The following FCF1 variants were observed in gnomAD, a reference collection of about 807,000 sequenced individuals.
FCF1 encodes the protein rRNA-processing protein FCF1 homolog.
FCF1 carries 17 observed loss-of-function variants against 32.5 expected under a neutral mutation model. The ratio of observed to expected loss-of-function variants is 0.52; its 90% CI spans 0.36 to 0.78. FCF1 has a LOEUF of 0.78. Among genes scored for constraint, FCF1 ranks in the 30% least tolerant of loss-of-function variants. The probability of loss-of-function intolerance (pLI) is 0.00; values close to 1 mark genes in which losing one functional copy is unlikely to be tolerated. For synonymous variants in FCF1, 84 were observed against 78.4 expected (o/e 1.07, Z -0.38); for missense variants, 201 against 241.1 (o/e 0.83, Z 1.10).
intron 5 of FCF1, among the ~76,000 whole-genome samples, chr14:74,728,757 T>C (rs2090601359): frequency 6.6e-6 from 1 of 152,198 alleles, no homozygotes; most frequent in Non-Finnish European, 1.5e-5. Context: ...ATAGCTCTTA[T>C]TATTTTGAAA....
In FCF1 at chr14:74,723,341, T is replaced by TAAGGTAGGAAGGAGGTAAACTAGATC. The variant is rs2090531433; in HGVS notation, c.363_365+23dup. 1.2e-6 allele frequency: 2 copies of TAAGGTAGGAAGGAGGTAAACTAGATC among 1,611,586 alleles called. No individual in the cohort carries two copies. The highest frequency in any genetic ancestry group is 1.1e-5 in the South Asian group (1 of 91,010). ...TTGGGGCAGAAGTATCGAGTGGCTC[T>TAAGGTAGGAAGGAGGTAAACTAGATC]AAGGTAGGAAGGAGGTAAACTAGAT... On this transcript the variant is annotated stop_gained and frameshift_variant, in exon 5 of 8. Transcript: ENST00000341162. LOFTEE classifies it high-confidence loss of function.
rs545136856 is a variant in FCF1 at position 74,713,372 on chromosome 14, A to G, written c.4-113A>G. On this transcript the variant is annotated intron_variant, in intron 1 of 7. Transcript: ENST00000341162. ...TGTTATGCTTTACAGAGTGGGGAAG[A>G]GGGTCTGGGTTATTTGAGGCAAGAA... The G allele has an allele frequency of 3.0e-5, 46 of 1,544,448 alleles. 2 individuals are homozygous for G. The South Asian group carries it at 5.2e-4, about 17-fold the overall frequency.
intron 3 of FCF1, 118 bp downstream of exon 3, chr14:74,715,061 T>A: frequency 9.7e-7 from 1 of 1,028,090 alleles, no homozygotes; most frequent in Non-Finnish European, 1.4e-6. Context: ...ACTATGTAGA[T>A]GAAAGTCATA....
intron 5 of FCF1, among the ~76,000 whole-genome samples, chr14:74,727,947 C>T (rs1036697062): frequency 3.9e-5 from 6 of 152,052 alleles, no homozygotes; most frequent in Admixed American, 6.6e-5. Flanking sequence ...GGCTCTGTTC[C>T]GTTTCATTGA....
At chr14:74,715,399 C>G (rs2090404960) in intron 3 of FCF1, among the ~76,000 whole-genome samples, 1 of 151,894 alleles carries the variant, frequency 6.6e-6, no homozygotes, top group Admixed American at 6.6e-5. Flanking sequence ...CCTTATTTTT[C>G]TAATTTTTCC....
At chr14:74,722,145 T>C (rs2090512882) in intron 4 of FCF1, among the ~76,000 whole-genome samples, 1 of 149,134 alleles carries the variant, frequency 6.7e-6, no homozygotes, top group Non-Finnish European at 1.5e-5. Context: ...ATCTGCTGGG[T>C]TGAACTGATC....
chr14:74,728,251 C>G (rs1434093869), intron 5 of FCF1, among the ~76,000 whole-genome samples: 5 of 152,140 alleles, frequency 3.3e-5, no homozygotes, highest in Non-Finnish European at 7.4e-5. Context: ...GAATGTTCTT[C>G]CATTTGTTTG....
chr14:74,717,305 G>A (rs949005064), intron 4 of FCF1, among the ~76,000 whole-genome samples: 9 of 151,738 alleles, frequency 5.9e-5, no homozygotes, highest in Non-Finnish European at 7.4e-5. Flanking sequence ...GCAGTGAGCC[G>A]AGATTGTGCC....
intron 5 of FCF1, among the ~76,000 whole-genome samples, chr14:74,723,569 C>A (rs757321574): frequency 7.2e-5 from 11 of 151,988 alleles, no homozygotes. Flanking sequence ...GCTCGGTGGC[C>A]TGTAATCCCA....
intron 5 of FCF1, among the ~76,000 whole-genome samples, chr14:74,727,142 A>C (rs894239903): frequency 1.3e-5 from 2 of 152,196 alleles, no homozygotes; most frequent in Non-Finnish European, 2.9e-5. Context: ...TGGCTGGGTC[A>C]AATGGTATTT....
At position 74,735,077 on chromosome 14, in the gene FCF1, G is replaced by T; in HGVS notation, c.*147G>T. ...TTTATTATTTAGGTGCACCAGCCCA[G>T]TCAGATTAACATCCAAAGGACTGAA... On this transcript the variant is annotated 3_prime_UTR_variant, in exon 8 of 8. Transcript: ENST00000341162. 1.6e-6 allele frequency: 1 copy of T among 630,324 alleles called. No individual in the cohort carries two copies. Among genetic ancestry groups the T allele is most frequent in the Non-Finnish European group, 2.8e-6 (1 of 356,392 alleles). The allele number at this position is 630,324 out of a possible 1,614,324, so 39.0% of individuals were successfully genotyped here.
chr14:74,719,785 GT>G (rs1349324430), intron 4 of FCF1, among the ~76,000 whole-genome samples: 2 of 152,036 alleles, frequency 1.3e-5, no homozygotes, highest in Admixed American at 1.3e-4. Flanking sequence ...AAAAAAGGAA[GT>G]TGCTTATAAT....
rs555797859 is a variant in FCF1, at chr14:74,734,106, C to A, written c.484C>A (p.Arg162=). The A allele has an allele frequency of 6.2e-7, 1 of 1,613,340 alleles. No homozygotes were observed. The highest frequency in any genetic ancestry group is 8.5e-7 in the Non-Finnish European group (1 of 1,179,586). Residue 162 remains arginine (R), a synonymous_variant, in exon 7 of 8, where the codon CGG becomes AGG. Transcript: ENST00000341162. The stretch of plus-strand genomic sequence containing the variant: ...GTGTTACATTGTGGCCACAGTTGAC[C>A]GGGACCTGAAAAGAAGAATCCGTAA... ...HKCYIVATVD[R]DLKRRIRKIP... is the part of the protein sequence containing the mutation.
At chr14:74,733,184 G>A (rs1594793026) in intron 6 of FCF1, among the ~76,000 whole-genome samples, 1 of 152,108 alleles carries the variant, frequency 6.6e-6, no homozygotes, top group South Asian at 2.1e-4. Context: ...TTTTGATGTA[G>A]GAATTTTGTT....
chr14:74,715,748 T>C (rs2090409433), intron 3 of FCF1: 5 of 1,150,620 alleles, frequency 4.3e-6, no homozygotes, highest in Non-Finnish European at 6.1e-6. Flanking sequence ...TTTTTTAAAG[T>C]TGGTGACAAA....
At position 74,737,301 on chromosome 14, in the gene FCF1, G is replaced by C. The variant is rs2090716426; in HGVS notation, c.*2371G>C. On this transcript the variant is annotated 3_prime_UTR_variant, in exon 8 of 8. Transcript: ENST00000341162. ...ACCCGGGAGGCAGAGGTTGCAACGA[G>C]CCGAGATCACGCCACTGCACTCCAG... The C allele has an allele frequency of 6.6e-6, 1 of 152,282 alleles. No individual in the cohort carries two copies. The highest frequency in any genetic ancestry group is 1.5e-5 in the Non-Finnish European group (1 of 68,190). 9.4% of individuals were successfully genotyped at this position (152,282 alleles called of 1,614,324 possible).
chr14:74,734,200 G>T (rs2090675626), intron 7 of FCF1, 30 bp downstream of exon 7: 1 of 1,269,508 alleles, frequency 7.9e-7, no homozygotes, highest in African/African-American at 1.5e-5. Flanking sequence ...GAAGGGAATA[G>T]AAATATATAA....
intron 5 of FCF1, among the ~76,000 whole-genome samples, chr14:74,726,772 A>G (rs903039868): frequency 4.6e-5 from 7 of 151,106 alleles, no homozygotes; most frequent in South Asian, 2.1e-4. Flanking sequence ...CCACCCCACA[A>G]CAGGCCCCAG....
rs1241190062 is a variant in FCF1, at chr14:74,738,482, A to G, written c.*3552A>G. The G allele has an allele frequency of 1.3e-5, 2 of 152,238 alleles. No individual in the cohort carries two copies. The highest frequency in any genetic ancestry group is 2.9e-5 in the Non-Finnish European group (2 of 68,046). The allele number at this position is 152,238 out of a possible 1,614,324, so 9.4% of individuals were successfully genotyped here. A position where few individuals can be genotyped will look rare whatever the true frequency, so the allele number is the denominator to read the frequency against. ...CCCTCCCCTAAAAAACAAGTGACTG[A>G]TGAGATTTTCCAATACATGTAACAA... On this transcript the variant is annotated 3_prime_UTR_variant, in exon 8 of 8. Coordinates refer to ENST00000341162, the MANE Select transcript of FCF1 (RefSeq NM_015962.5).
Sources: gnomAD v4.1 joint callset for allele counts (sites outside exome capture counted in the v4.1 genomes callset) on GRCh38, gnomAD v4.1.1 for gene constraint, MANE v1.5 for transcripts, NCBI Gene and HGNC (gene_info 2026-07-23, HGNC 2026-07-21) for gene names.